Variants in PROM1 observed in about 807,000 individuals in gnomAD.
The protein encoded by PROM1 is prominin 1.
In PROM1, 105 loss-of-function variants were observed where a neutral mutation model predicts 116.9. The observed-to-expected ratio is 0.90, with a 90% CI of 0.77 to 1.06. The LOEUF is 1.06. PROM1 is among the 50% of genes least tolerant of loss of function. PROM1 has a pLI of 0.00. For synonymous variants in PROM1, 393 were observed against 387.0 expected (o/e 1.02, Z -0.18); for missense variants, 1,122 against 1,045.2 (o/e 1.07, Z -1.01).
At chr4:16,045,597 C>A (rs1736364946) in intron 2 of PROM1, among the ~76,000 whole-genome samples, 2 of 152,184 alleles carry the variant, frequency 1.3e-5, no homozygotes, top group Non-Finnish European at 2.9e-5. Flanking sequence ...AGTAGCCTAT[C>A]CTGTCAGCTT....
intron 17 of PROM1, 84 bp from the exon 18 acceptor site, chr4:15,991,377 A>G (rs983958362): frequency 1.1e-6 from 1 of 879,342 alleles, no homozygotes; most frequent in African/African-American, 1.8e-5. Flanking sequence ...CAGATTAAAC[A>G]TGGATTCATA....
Position 16,006,413 on chromosome 4 carries a change from G to A in PROM1, c.1454+125C>T, listed in dbSNP as rs145092823. 1,632 of 1,185,250 alleles carry A rather than the reference G, an allele frequency of 1.4e-3. 18 individuals carry two copies. In the African/African-American group the frequency reaches 0.021, roughly 15 times the overall value. The allele number at this position is 1,185,250 out of a possible 1,614,324, so 73.4% of individuals were successfully genotyped here. ...TCACAGCAGGATCTCTCCTCCTCGC[G>A]ACCTGGGAGCTGGAACCCCGCGTAC... is the stretch of plus-strand genomic sequence containing the variant. On this transcript the variant is annotated intron_variant, in intron 13 of 27. Transcript: ENST00000447510.
At chr4:15,979,236 A>T (rs371091091) in intron 26 of PROM1, among the ~76,000 whole-genome samples, 159 bp downstream of exon 26, 55 of 152,338 alleles carry the variant, frequency 3.6e-4, no homozygotes, top group African/African-American at 1.1e-3. Context: ...TCATGGCATC[A>T]TGGAACACTA....
At chr4:16,038,471 C>T (rs35549063) in intron 3 of PROM1, among the ~76,000 whole-genome samples, 19,380 of 152,206 alleles carry the variant, frequency 0.13, 1,610 homozygotes, top group East Asian at 0.29. Flanking sequence ...GGCACCATCT[C>T]GGCTCACTGC....
intron 14 of PROM1, 33 bp from the exon 15 acceptor site, chr4:15,998,521 C>G: frequency 6.5e-7 from 1 of 1,534,514 alleles, no homozygotes. Context: ...TTCGAAAAAT[C>G]AGTTTTACAC....
chr4:16,033,095 A>G (rs1043115806), intron 5 of PROM1, among the ~76,000 whole-genome samples: 7 of 148,288 alleles, frequency 4.7e-5, no homozygotes, highest in East Asian at 2.2e-4. Context: ...CAGCTGGGGC[A>G]GCTTCATTAC....
At chr4:16,024,166 C>T (rs1349768765) in intron 7 of PROM1, 129 bp downstream of exon 7, 6 of 793,702 alleles carry the variant, frequency 7.6e-6, no homozygotes, top group Non-Finnish European at 1.0e-5. Flanking sequence ...GACACATTGG[C>T]AATAAGGCTA....
At chr4:16,079,089 GTT>G (rs34109441) in intron 1 of PROM1, among the ~76,000 whole-genome samples, 83,052 of 150,936 alleles carry the variant, frequency 0.55, 23,486 homozygotes, top group African/African-American at 0.69. Flanking sequence ...CTTTATCTTG[GTT>G]TTTTTTTTTG....
At position 15,989,767 on chromosome 4, in the gene PROM1, G is replaced by GA; in HGVS notation, c.2040dup (p.His681SerfsTer35). On this transcript the variant is annotated frameshift_variant, in exon 19 of 28. Transcript: ENST00000447510. LOFTEE classifies it high-confidence loss of function. ...TCTATAGGAAGGACTCGTTGCTGGT[G>GA]AATTGTTTTAATAGTTTGTGCATCT... 6.2e-7 allele frequency: 1 copy of GA among 1,609,754 alleles called. No individual in the cohort carries two copies. Among genetic ancestry groups the GA allele is most frequent in the Non-Finnish European group, 8.5e-7 (1 of 1,177,618 alleles).
intron 15 of PROM1, among the ~76,000 whole-genome samples, chr4:15,994,749 T>C (rs1422909290): frequency 5.9e-5 from 9 of 152,134 alleles, no homozygotes; most frequent in Admixed American, 5.9e-4. Context: ...GCCACAAAAA[T>C]AGCGGCATCC....
chr4:16,043,504 C>T (rs1735803736), intron 2 of PROM1, among the ~76,000 whole-genome samples: 1 of 152,194 alleles, frequency 6.6e-6, no homozygotes, highest in Admixed American at 6.5e-5. Flanking sequence ...TCACTAACAC[C>T]ACCCTTCACC....
At chr4:15,971,315 G>T (rs1714496781) in intron 26 of PROM1, 1 of 490,616 alleles carries the variant, frequency 2.0e-6, no homozygotes, top group Non-Finnish European at 3.7e-6. Context: ...ACTATGACAA[G>T]TAAGAATTGT....
chr4:16,031,798 C>A (rs1470103498), intron 5 of PROM1, among the ~76,000 whole-genome samples: 2 of 152,154 alleles, frequency 1.3e-5, no homozygotes, highest in African/African-American at 2.4e-5. Flanking sequence ...TGTTTACACA[C>A]ATATATAGTT....
chr4:15,992,793 C>T (rs903743768), intron 16 of PROM1, among the ~76,000 whole-genome samples: 5 of 152,130 alleles, frequency 3.3e-5, no homozygotes, highest in Non-Finnish European at 5.9e-5. Flanking sequence ...GAAAGGGACA[C>T]AGGGTAGGCT....
intron 2 of PROM1, among the ~76,000 whole-genome samples, chr4:16,064,223 G>A (rs1740998656): frequency 6.6e-6 from 1 of 152,114 alleles, no homozygotes; most frequent in Non-Finnish European, 1.5e-5. Flanking sequence ...CCTCTCAAAT[G>A]CCAATGCAGT....
chr4:16,032,086 C>T (rs568132523), intron 5 of PROM1, among the ~76,000 whole-genome samples: 40 of 152,234 alleles, frequency 2.6e-4, no homozygotes, highest in African/African-American at 9.6e-4. Context: ...AGTTTCTTGT[C>T]AACCCTTTCA....
At chr4:16,005,390 C>T (rs977429063) in intron 13 of PROM1, among the ~76,000 whole-genome samples, 2 of 151,972 alleles carry the variant, frequency 1.3e-5, no homozygotes, top group Non-Finnish European at 2.9e-5. Context: ...TTTGTAAAGG[C>T]CTATACCATA....
At chr4:15,988,433 A>G (rs10003313) in intron 19 of PROM1, among the ~76,000 whole-genome samples, 144,538 of 152,262 alleles carry the variant, frequency 0.95, 68,745 homozygotes, top group Middle Eastern at 0.99. Context: ...TTTATCTGCC[A>G]TAGTCCCAAC....
At chr4:16,043,921 C>G (rs895916965) in intron 2 of PROM1, among the ~76,000 whole-genome samples, 2 of 152,178 alleles carry the variant, frequency 1.3e-5, no homozygotes, top group East Asian at 3.9e-4. Context: ...TTCTGGAACT[C>G]AGGGCCTCTC....
Sources: allele counts gnomAD v4.1 joint callset (sites outside exome capture counted in the v4.1 genomes callset), GRCh38; gene constraint gnomAD v4.1.1; transcripts MANE v1.5; gene names NCBI Gene and HGNC (gene_info 2026-07-23, HGNC 2026-07-21).